The following ZNF334 variants were observed in gnomAD, a reference collection of about 807,000 sequenced individuals.
ZNF334 encodes the protein zinc finger protein 334.
A neutral mutation model predicts 12.4 loss-of-function variants in ZNF334; 14 were observed. The ratio of observed to expected loss-of-function variants is 1.13; its 90% CI spans 0.74 to 1.76. The LOEUF (loss-of-function observed/expected upper bound fraction) is 1.76. ZNF334 is among the 40% of genes most tolerant of loss of function. The pLI is 0.00. For synonymous variants in ZNF334, 273 were observed against 269.6 expected (o/e 1.01, Z -0.12); for missense variants, 797 against 804.5 (o/e 0.99, Z 0.11).
At chr20:46,484,904 G>A in the ZNF334 span, 1 of 164,596 alleles carries the variant, frequency 6.1e-6, no homozygotes, top group African/African-American at 2.4e-5. Flanking sequence ...GAGGTTCTGG[G>A]AAGATTGAGA....
chr20:46,506,424 A>C, intron 2 of ZNF334: 1 of 479,336 alleles, frequency 2.1e-6, no homozygotes, highest in South Asian at 3.6e-5. Context: ...TCAGAAGCTC[A>C]AGATCAGTCT....
rs200283133 is a variant in ZNF334, at chr20:46,501,938, C to T, written c.1401G>A (p.Gly467=). 706 of 1,614,010 alleles carry T rather than the reference C, an allele frequency of 4.4e-4. 7 individuals carry two copies. The South Asian group carries it at 7.4e-3, about 17-fold the overall frequency. Residue 467 remains glycine, a synonymous_variant, in exon 5 of 5, where the codon GGG becomes GGA. Transcript: ENST00000692313. ...GTGTTGACTTATGGCAGAAAAATTT[C>T]CCACATTCATTACATTCATAAGACT... ...GKKSYECNEC[G]KFFCHKSTLT...
At chr20:46,465,398 C>CT in the ZNF334 span, 1 of 154,498 alleles carries the variant, frequency 6.5e-6, no homozygotes, top group South Asian at 2.0e-4. Context: ...ATAATAATAA[C>CT]TTTAAAACAG....
At chr20:46,473,232 C>T in the ZNF334 span, among the ~76,000 whole-genome samples, 1 of 152,102 alleles carries the variant, frequency 6.6e-6, no homozygotes, top group South Asian at 2.1e-4. Context: ...CCTCGTATTC[C>T]AATATTCATT....
At chr20:46,465,482 G>A in the ZNF334 span, among the ~76,000 whole-genome samples, 1 of 152,190 alleles carries the variant, frequency 6.6e-6, no homozygotes, top group African/African-American at 2.4e-5. Flanking sequence ...AGGATCACTT[G>A]AGACCAGGAG....
intron 2 of ZNF334, 68 bp from the exon 3 acceptor site, chr20:46,504,808 A>G (rs1054875671): frequency 7.7e-6 from 11 of 1,424,696 alleles, no homozygotes; most frequent in African/African-American, 4.3e-5. Context: ...AACATAAACT[A>G]TAAGAAGACC....
chr20:46,491,546 A>C, the ZNF334 span: 1 of 153,148 alleles, frequency 6.5e-6, no homozygotes, highest in African/African-American at 2.4e-5. Context: ...TAAACATCAG[A>C]AAACTCATAC....
chr20:46,512,383 T>C (rs112293354), intron 1 of ZNF334, among the ~76,000 whole-genome samples, 157 bp downstream of exon 1: 1 of 152,208 alleles, frequency 6.6e-6, no homozygotes, highest in African/African-American at 2.4e-5. Flanking sequence ...AATCTATGCC[T>C]CCTTTGAAAA....
the ZNF334 span, among the ~76,000 whole-genome samples, chr20:46,478,990 C>A: frequency 2.0e-5 from 3 of 152,196 alleles, no homozygotes; most frequent in Non-Finnish European, 4.4e-5. Context: ...CTCACCCCAT[C>A]CCTGGCCACC....
the ZNF334 span, among the ~76,000 whole-genome samples, chr20:46,480,398 G>A: frequency 1.3e-5 from 2 of 152,018 alleles, no homozygotes; most frequent in Admixed American, 1.3e-4. Flanking sequence ...GCTACTTTAC[G>A]CCGTCCCGCT....
At chr20:46,487,927 C>A in the ZNF334 span, among the ~76,000 whole-genome samples, 1 of 152,170 alleles carries the variant, frequency 6.6e-6, no homozygotes, top group African/African-American at 2.4e-5. Flanking sequence ...CCTCTAAGGG[C>A]ACCTGGCAAT....
the ZNF334 span, chr20:46,464,810 G>A: frequency 1.9e-6 from 1 of 536,944 alleles, no homozygotes; most frequent in Non-Finnish European, 3.8e-6. Flanking sequence ...CCAGTCCTCT[G>A]AACCCACTCC....
At chr20:46,486,224 T>A in the ZNF334 span, among the ~76,000 whole-genome samples, 1 of 152,232 alleles carries the variant, frequency 6.6e-6, no homozygotes, top group Admixed American at 6.5e-5. Flanking sequence ...TATGTCATTA[T>A]GTGCTAGACA....
chr20:46,486,505 C>T, the ZNF334 span, among the ~76,000 whole-genome samples: 3 of 152,226 alleles, frequency 2.0e-5, no homozygotes, highest in African/African-American at 7.2e-5. Context: ...ACAAATCTCA[C>T]TTCTTACCTT....
chr20:46,499,280 G>A (rs1173051941), downstream of ZNF334, among the ~76,000 whole-genome samples: 1 of 149,936 alleles, frequency 6.7e-6, no homozygotes, highest in African/African-American at 2.5e-5. Flanking sequence ...AGATCCTTCA[G>A]AAGAGAGTAT....
chr20:46,466,141 TA>T, the ZNF334 span, among the ~76,000 whole-genome samples: 6 of 151,980 alleles, frequency 3.9e-5, no homozygotes, highest in Non-Finnish European at 7.4e-5. Context: ...AGAGATAATA[TA>T]AAAAAATTTT....
the ZNF334 span, among the ~76,000 whole-genome samples, chr20:46,488,284 T>C: frequency 1.3e-5 from 2 of 151,266 alleles, no homozygotes; most frequent in African/African-American, 4.9e-5. Context: ...TATTGGCTTA[T>C]TAGCTGTAAC....
At chr20:46,479,247 G>C in the ZNF334 span, among the ~76,000 whole-genome samples, 4 of 151,926 alleles carry the variant, frequency 2.6e-5, no homozygotes, top group Non-Finnish European at 5.9e-5. Flanking sequence ...TGATTTTCTT[G>C]CCTCCCTCTT....
the ZNF334 span, among the ~76,000 whole-genome samples, chr20:46,468,565 G>A: frequency 5.3e-5 from 8 of 151,978 alleles, no homozygotes; most frequent in South Asian, 2.1e-4. Context: ...GATTACGGGC[G>A]TGAGCTACAC....
Sources: gnomAD v4.1 joint callset for allele counts (sites outside exome capture counted in the v4.1 genomes callset) on GRCh38, gnomAD v4.1.1 for gene constraint, MANE v1.5 for transcripts, NCBI Gene and HGNC (gene_info 2026-07-23, HGNC 2026-07-21) for gene names.